The following RBFOX1 variants were observed in gnomAD, a reference collection of about 807,000 sequenced individuals.
RBFOX1 encodes RNA binding fox-1 homolog 1, also known as RNA binding protein fox-1 homolog 1.
RBFOX1 carries 8 observed loss-of-function variants against 57.7 expected under a neutral mutation model. The ratio of observed to expected loss-of-function variants is 0.14; its 90% CI spans 0.08 to 0.25. The LOEUF (loss-of-function observed/expected upper bound fraction) is 0.25. Among genes scored for constraint, RBFOX1 ranks in the 10% least tolerant of loss-of-function variants. The probability of loss-of-function intolerance (pLI) is 1.00; values close to 1 mark genes in which losing one functional copy is unlikely to be tolerated. For synonymous variants in RBFOX1, 326 were observed against 222.4 expected, an observed-to-expected ratio of 1.47 and a Z score of -4.15; for missense variants, 611 against 548.5, an observed-to-expected ratio of 1.11 and a Z score of -1.14.
intron 4 of RBFOX1, among the ~76,000 whole-genome samples, chr16:7,465,742 C>T (rs929768294): frequency 6.6e-6 from 1 of 152,122 alleles, no homozygotes; most frequent in Non-Finnish European, 1.5e-5. Context: ...GGTCCCTCTT[C>T]AAGCCGATGA....
intron 1 of RBFOX1, among the ~76,000 whole-genome samples, chr16:5,459,315 A>G (rs902465578): frequency 6.6e-6 from 1 of 152,180 alleles, no homozygotes; most frequent in South Asian, 2.1e-4. Flanking sequence ...CAGCTCGCCT[A>G]TTCAGATGGG....
At chr16:5,999,721 C>T (rs1024568275) in intron 4 of RBFOX1, among the ~76,000 whole-genome samples, 4 of 151,838 alleles carry the variant, frequency 2.6e-5, no homozygotes, top group African/African-American at 7.3e-5. Context: ...ATTAGCCGGG[C>T]TTGGTGGCGG....
chr16:7,589,330 C>T (rs2094310659), intron 7 of RBFOX1, among the ~76,000 whole-genome samples: 1 of 152,114 alleles, frequency 6.6e-6, no homozygotes, highest in South Asian at 2.1e-4. Context: ...CTTCTGAGAG[C>T]TGTTTTGGGA....
chr16:7,382,610 C>A (rs8063274), intron 4 of RBFOX1, among the ~76,000 whole-genome samples: 2 of 152,088 alleles, frequency 1.3e-5, no homozygotes, highest in African/African-American at 4.8e-5. Flanking sequence ...CTGATTAATG[C>A]GCAAGATGGC....
intron 2 of RBFOX1, among the ~76,000 whole-genome samples, chr16:5,566,477 G>T (rs556774658): frequency 1.8e-4 from 28 of 151,798 alleles, no homozygotes; most frequent in Non-Finnish European, 3.2e-4. Flanking sequence ...CCGCTCCCTC[G>T]GGTTGTTATA....
At chr16:5,783,018 C>T (rs1015085526) in intron 3 of RBFOX1, among the ~76,000 whole-genome samples, 94 of 151,870 alleles carry the variant, frequency 6.2e-4, no homozygotes, top group African/African-American at 2.2e-3. Context: ...TCTTTGCATC[C>T]CCCCAAACAC....
chr16:5,932,000 C>T (rs2059069664), intron 4 of RBFOX1, among the ~76,000 whole-genome samples: 1 of 152,014 alleles, frequency 6.6e-6, no homozygotes, highest in African/African-American at 2.4e-5. Context: ...TTGGGCCTCT[C>T]CCTATGTTTC....
intron 2 of RBFOX1, among the ~76,000 whole-genome samples, chr16:6,322,546 C>T (rs139425287): frequency 0.019 from 2,879 of 152,232 alleles, 64 homozygotes; most frequent in Middle Eastern, 0.099. Flanking sequence ...TTGATTGCCC[C>T]TTGTAGGATA....
chr16:6,876,234 C>A (rs1378411652), intron 3 of RBFOX1, among the ~76,000 whole-genome samples: 1 of 152,036 alleles, frequency 6.6e-6, no homozygotes, highest in Non-Finnish European at 1.5e-5. Flanking sequence ...CACAATCCAT[C>A]TTAGATTCCT....
intron 2 of RBFOX1, among the ~76,000 whole-genome samples, chr16:6,647,725 T>G (rs531497051): frequency 6.6e-6 from 1 of 152,256 alleles, no homozygotes; most frequent in South Asian, 2.1e-4. Flanking sequence ...GTATCTGGGA[T>G]GAGGTGTGAT....
intron 4 of RBFOX1, among the ~76,000 whole-genome samples, chr16:6,000,805 G>A (rs2060585724): frequency 6.8e-6 from 1 of 148,014 alleles, no homozygotes; most frequent in African/African-American, 2.5e-5. Context: ...AGATGGTTAG[G>A]TGGGTGGATG....
intron 3 of RBFOX1, among the ~76,000 whole-genome samples, chr16:7,001,984 C>A (rs984289952): frequency 6.6e-6 from 1 of 152,042 alleles, no homozygotes; most frequent in Non-Finnish European, 1.5e-5. Flanking sequence ...CGTGAGTGAA[C>A]TCCTGGTGTT....
chr16:5,905,765 G>A (rs1404895658), intron 4 of RBFOX1, among the ~76,000 whole-genome samples: 1 of 152,188 alleles, frequency 6.6e-6, no homozygotes, highest in Non-Finnish European at 1.5e-5. Flanking sequence ...CAACCCTTCA[G>A]ATTTCTTGAT....
At chr16:5,937,219 G>T (rs976751536) in intron 4 of RBFOX1, among the ~76,000 whole-genome samples, 1 of 152,194 alleles carries the variant, frequency 6.6e-6, no homozygotes, top group Non-Finnish European at 1.5e-5. Context: ...GAAAGAACAC[G>T]AGAGATTGTG....
intron 4 of RBFOX1, among the ~76,000 whole-genome samples, chr16:7,457,510 G>C (rs768215062): frequency 1.3e-5 from 2 of 152,170 alleles, no homozygotes; most frequent in Non-Finnish European, 2.9e-5. Flanking sequence ...CTTTACTTAA[G>C]TGGTGAGATG....
At chr16:6,716,766 T>A (rs1203861347) in intron 3 of RBFOX1, among the ~76,000 whole-genome samples, 1 of 150,410 alleles carries the variant, frequency 6.6e-6, no homozygotes, top group African/African-American at 2.4e-5. Flanking sequence ...GGGAAGGGAT[T>A]TTTTTTTTCC....
chr16:6,467,745 G>A (rs1164429170), intron 2 of RBFOX1, among the ~76,000 whole-genome samples: 1 of 152,222 alleles, frequency 6.6e-6, no homozygotes, highest in Non-Finnish European at 1.5e-5. Context: ...GCCCCTAAGG[G>A]TAAGGATTAG....
intron 4 of RBFOX1, among the ~76,000 whole-genome samples, chr16:5,956,401 C>T (rs933725): frequency 0.024 from 3,605 of 151,620 alleles, 138 homozygotes; most frequent in African/African-American, 0.083. Context: ...AAATTATGGT[C>T]TCTCTGGAAT....
rs552993420 is a variant in RBFOX1 at position 7,324,740 on chromosome 16, A to G, written c.28-193407A>G. Among the ~76,000 whole-genome samples, 129 of 152,154 alleles carry G rather than the reference A, an allele frequency of 8.5e-4. 1 individual carries two copies. In the Middle Eastern group the frequency reaches 0.01, roughly 12 times the overall value. ...ACTATCAGCAGGCTCCTCACTTACA[A>G]AACCTACTGGAATTTTCTTTGTGCA... On this transcript the variant is annotated intron_variant, in intron 4 of 15. Transcript: ENST00000550418.
Sources: allele counts gnomAD v4.1 joint callset (sites outside exome capture counted in the v4.1 genomes callset), GRCh38; gene constraint gnomAD v4.1.1; transcripts MANE v1.5; gene names NCBI Gene and HGNC (gene_info 2026-07-23, HGNC 2026-07-21).